TRAPPC9: variants seen among roughly 807,000 people sequenced by gnomAD.
The protein encoded by TRAPPC9 is trafficking protein particle complex subunit 9, also known as IKK2 binding protein.
In TRAPPC9, 83 loss-of-function variants were observed where a neutral mutation model predicts 124.0. That is an observed-to-expected ratio of 0.67 (90% confidence interval 0.56 to 0.80). The LOEUF (loss-of-function observed/expected upper bound fraction) is 0.80. TRAPPC9 is among the 30% of genes least tolerant of loss of function. TRAPPC9 has a pLI of 0.00. For missense variants in TRAPPC9, 1,302 were observed against 1,508.3 expected, an observed-to-expected ratio of 0.86 and a Z score of 2.27; for synonymous variants, 638 against 617.5, an observed-to-expected ratio of 1.03 and a Z score of -0.49.
intron 19 of TRAPPC9, among the ~76,000 whole-genome samples, chr8:139,980,679 C>T (rs944869143): frequency 4.6e-5 from 7 of 152,250 alleles, no homozygotes; most frequent in African/African-American, 1.2e-4. Context: ...CACGGTGAGG[C>T]CCTGCCCAGG....
At chr8:139,915,895 G>A (rs1242327877) in intron 19 of TRAPPC9, among the ~76,000 whole-genome samples, 1 of 152,216 alleles carries the variant, frequency 6.6e-6, no homozygotes, top group Non-Finnish European at 1.5e-5. Flanking sequence ...AAGCATACTT[G>A]TTGGGTCACT....
intron 17 of TRAPPC9, among the ~76,000 whole-genome samples, chr8:140,085,071 T>C (rs1262667008): frequency 2.6e-5 from 4 of 152,120 alleles, no homozygotes; most frequent in African/African-American, 7.2e-5. Flanking sequence ...AGAGTGGAGA[T>C]GGGGGTGCAG....
chr8:139,773,249 G>GAGGTTT (rs1821110032), intron 21 of TRAPPC9, among the ~76,000 whole-genome samples: 1 of 152,248 alleles, frequency 6.6e-6, no homozygotes, highest in African/African-American at 2.4e-5. Flanking sequence ...CGTGCCGATG[G>GAGGTTT]CTCTAACAGG....
chr8:140,255,778 C>T (rs2064239065), intron 15 of TRAPPC9, among the ~76,000 whole-genome samples: 1 of 152,168 alleles, frequency 6.6e-6, no homozygotes. Context: ...CCTGGCTATT[C>T]AGGAGCCCAA....
chr8:139,927,742 T>A (rs1158335922), intron 19 of TRAPPC9, among the ~76,000 whole-genome samples: 1 of 152,132 alleles, frequency 6.6e-6, no homozygotes, highest in African/African-American at 2.4e-5. Context: ...ACATAAATAA[T>A]GGAATACTTT....
rs879555060 is a variant in TRAPPC9 at position 139,907,912 on chromosome 8, C to T, written c.2964+2235G>A. On this transcript the variant is annotated intron_variant, in intron 20 of 22. Coordinates refer to ENST00000438773, the MANE Select transcript of TRAPPC9 (RefSeq NM_001160372.4). This position sits in a 1 kb window ranked among gnomAD's most constrained non-coding sequence, Gnocchi z 4.7. ...AGCTACGGGGTGCAGGAACTGGCCA[C>T]GCCACTTTCTCTTTGTGAAGTGGAG... Among the ~76,000 whole-genome samples the T allele has an allele frequency of 5.6e-4, 86 of 152,290 alleles. No homozygotes were observed. Among genetic ancestry groups the T allele is most frequent in the African/African-American group, 1.9e-3 (80 of 41,566 alleles).
chr8:139,935,424 C>A (rs1364380716), intron 19 of TRAPPC9, among the ~76,000 whole-genome samples: 1 of 152,200 alleles, frequency 6.6e-6, no homozygotes, highest in Non-Finnish European at 1.5e-5. Context: ...ACGTCTATCC[C>A]ATGACGTTCT....
chr8:140,301,695 C>T (rs1331746456), intron 10 of TRAPPC9, among the ~76,000 whole-genome samples: 1 of 152,226 alleles, frequency 6.6e-6, no homozygotes, highest in Non-Finnish European at 1.5e-5. Context: ...CACCCCCCGC[C>T]TCCCGGCCTC....
chr8:139,887,785 C>T (rs1414513092), intron 20 of TRAPPC9, among the ~76,000 whole-genome samples: 1 of 152,184 alleles, frequency 6.6e-6, no homozygotes, highest in African/African-American at 2.4e-5. Context: ...CCTGTGAGCT[C>T]CATGAAGGCA....
chr8:140,306,324 T>A (rs2066133681), intron 10 of TRAPPC9, among the ~76,000 whole-genome samples: 1 of 151,798 alleles, frequency 6.6e-6, no homozygotes, highest in Admixed American at 6.6e-5. Context: ...TGAAACCCTG[T>A]CTCTACTAAA....
intron 2 of TRAPPC9, among the ~76,000 whole-genome samples, chr8:140,441,476 C>T (rs1236879962): frequency 2.6e-5 from 4 of 152,152 alleles, no homozygotes; most frequent in African/African-American, 7.2e-5. Flanking sequence ...AAAGCAACAA[C>T]AAAACTTTAC....
intron 17 of TRAPPC9, among the ~76,000 whole-genome samples, chr8:140,066,343 G>A (rs760671708): frequency 9.9e-5 from 15 of 152,202 alleles, no homozygotes; most frequent in Non-Finnish European, 2.1e-4. Context: ...GGAGACCTGA[G>A]CCTATGTGAA....
Position 139,963,470 on chromosome 8 carries a change from G to T in TRAPPC9, c.2810+25256C>A, listed in dbSNP as rs557800918. Among the ~76,000 whole-genome samples the T allele has an allele frequency of 3.2e-4, 48 of 152,230 alleles. No individual in the cohort carries two copies. The East Asian group carries it at 8.3e-3, about 26-fold the overall frequency. ...TTCATTTCATCCTTATTCCCTGGGT[G>T]AGCGTGGCTTCCTGTGGCCATGTAG... On this transcript the variant is annotated intron_variant, in intron 19 of 22. Transcript: ENST00000438773.
chr8:140,411,445 G>A (rs913568538), intron 5 of TRAPPC9, among the ~76,000 whole-genome samples: 8 of 152,134 alleles, frequency 5.3e-5, no homozygotes, highest in Non-Finnish European at 8.8e-5. Context: ...AGGTTCCAGC[G>A]ATTCTCCTGC....
chr8:139,782,280 T>C (rs546901772), intron 21 of TRAPPC9, among the ~76,000 whole-genome samples: 31 of 152,188 alleles, frequency 2.0e-4, no homozygotes, highest in Admixed American at 1.7e-3. Context: ...TTCAGGAGGC[T>C]AAAGTAGGAG....
intron 17 of TRAPPC9, among the ~76,000 whole-genome samples, chr8:140,062,527 ACTC>A (rs1842682636): frequency 6.7e-6 from 1 of 149,838 alleles, no homozygotes. Context: ...GGTCCCTCTT[ACTC>A]CTCAAGGCTC....
Position 140,126,472 on chromosome 8 carries a change from G to A in TRAPPC9, c.2556+94987C>T, listed in dbSNP as rs117123825. 5.5e-3 allele frequency among the ~76,000 whole-genome samples: 841 copies of A among 152,266 alleles called. 4 individuals are homozygous for A. Among genetic ancestry groups the A allele is most frequent in the Non-Finnish European group, 8.4e-3 (569 of 68,026 alleles). On this transcript the variant is annotated intron_variant, in intron 17 of 22. Coordinates refer to ENST00000438773, the MANE Select transcript of TRAPPC9 (RefSeq NM_001160372.4). ...GAAGGGAATTCGAACACCCCGTCACGAGAAGTTCATCAGACACTCGTAAGA... is the reference window on the plus strand; with the variant it reads ...GAAGGGAATTCGAACACCCCGTCACAAGAAGTTCATCAGACACTCGTAAGA...
At chr8:140,150,850 T>TTTG (rs2061533707) in intron 17 of TRAPPC9, among the ~76,000 whole-genome samples, 1 of 151,928 alleles carries the variant, frequency 6.6e-6, no homozygotes, top group Admixed American at 6.5e-5. Context: ...TGCAGCTTGT[T>TTTG]TTTGTTTTTC....
chr8:139,931,851 C>T (rs1833165647), intron 19 of TRAPPC9: 1 of 168,626 alleles, frequency 5.9e-6, no homozygotes, highest in East Asian at 1.8e-4. Context: ...GCCCATTTCA[C>T]CCGGAAAAGA....
Sources: allele counts gnomAD v4.1 joint callset (sites outside exome capture counted in the v4.1 genomes callset), GRCh38; gene constraint gnomAD v4.1.1; non-coding constraint Gnocchi (gnomAD v3.1); transcripts MANE v1.5; gene names NCBI Gene and HGNC (gene_info 2026-07-23, HGNC 2026-07-21).